The following CLVS1 variants were observed in gnomAD, a reference collection of about 807,000 sequenced individuals.
CLVS1 encodes the protein clavesin 1, also known as clavesin-1.
A neutral mutation model predicts 33.1 loss-of-function variants in CLVS1; 10 were observed. The ratio of observed to expected loss-of-function variants is 0.30; its 90% CI spans 0.19 to 0.51. The LOEUF is 0.51. Ranked by LOEUF, CLVS1 falls within the 20% of genes least tolerant of loss-of-function variation. The probability of loss-of-function intolerance (pLI) is 0.97; values close to 1 mark genes in which losing one functional copy is unlikely to be tolerated. For missense variants in CLVS1, 343 were observed against 433.4 expected, an observed-to-expected ratio of 0.79 and a Z score of 1.85; for synonymous variants, 163 against 166.1, an observed-to-expected ratio of 0.98 and a Z score of 0.14.
At chr8:61,204,845 C>T (rs1461515068) in intron 2 of CLVS1, among the ~76,000 whole-genome samples, 1 of 152,128 alleles carries the variant, frequency 6.6e-6, no homozygotes, top group Non-Finnish European at 1.5e-5. Flanking sequence ...CATACCCATT[C>T]CCCCACCAAA....
At chr8:61,058,198 CT>C (rs1404080736) in intron 1 of CLVS1, among the ~76,000 whole-genome samples, 1 of 152,100 alleles carries the variant, frequency 6.6e-6, no homozygotes, top group Non-Finnish European at 1.5e-5. Flanking sequence ...AGGGCTGAGG[CT>C]GGTGTGCAAA....
At chr8:60,976,981 G>T in the CLVS1 span, among the ~76,000 whole-genome samples, 1 of 152,200 alleles carries the variant, frequency 6.6e-6, no homozygotes, top group Middle Eastern at 3.2e-3. Flanking sequence ...AAAGAGACAG[G>T]ATCTATTCCC....
intron 2 of CLVS1, among the ~76,000 whole-genome samples, chr8:61,230,515 T>A (rs1452039861): frequency 2.0e-5 from 3 of 152,268 alleles, no homozygotes; most frequent in Non-Finnish European, 4.4e-5. Context: ...GTATTGTGGC[T>A]GGAGCACAAG....
rs1394837715 is a variant in CLVS1, at chr8:61,451,808, C to CAGAGAGAG, written c.631-2332_631-2331insGAGAGAGA. ...TTCCCCTCTGTACAAAACACACACA[C>CAGAGAGAG]ACACAGAGAGAGAGAGAGAGAGAGA... On this transcript the variant is annotated intron_variant, in intron 3 of 5. Coordinates refer to ENST00000325897, the MANE Select transcript of CLVS1 (RefSeq NM_173519.3). Among the ~76,000 whole-genome samples, 9 of 132,216 alleles carry CAGAGAGAG rather than the reference C, an allele frequency of 6.8e-5. No individual in the cohort carries two copies. The East Asian group carries it at 1.3e-3, about 19-fold the overall frequency. The allele number at this position is 132,216 out of a possible 152,430, so 86.7% of individuals were successfully genotyped here. A position where few individuals can be genotyped will look rare whatever the true frequency, so the allele number is the denominator to read the frequency against.
chr8:61,085,627 A>G lies in CLVS1; in HGVS notation c.-243+28397A>G, dbSNP rs533099979. On this transcript the variant is annotated intron_variant, in intron 1 of 2. Coordinates refer to the CLVS1 transcript ENST00000522621. ...ATGACCTGGCGGAGTGCGGTGGCTC[A>G]TGCCTGTAATCCCAGCACTTTCGGA... 7.9e-5 allele frequency among the ~76,000 whole-genome samples: 12 copies of G among 151,900 alleles called. No individual in the cohort carries two copies. The South Asian group carries it at 2.1e-3, about 26-fold the overall frequency.
the CLVS1 span, among the ~76,000 whole-genome samples, chr8:60,976,717 G>T: frequency 6.6e-6 from 1 of 152,260 alleles, no homozygotes; most frequent in Non-Finnish European, 1.5e-5. Flanking sequence ...GCAATTTTCA[G>T]TGAATTTCAG....
intron 2 of CLVS1, among the ~76,000 whole-genome samples, chr8:61,136,034 C>A (rs1806186364): frequency 6.6e-6 from 1 of 152,220 alleles, no homozygotes; most frequent in Non-Finnish European, 1.5e-5. Context: ...GGTTAGAAAT[C>A]CAAAGTCTCA....
intron 2 of CLVS1, among the ~76,000 whole-genome samples, chr8:61,191,899 A>T (rs542878125): frequency 1.3e-5 from 2 of 152,346 alleles, no homozygotes; most frequent in Admixed American, 6.5e-5. Flanking sequence ...ATGGAAGAAC[A>T]TTCCATGCTC....
chr8:61,271,591 A>C (rs1360924811), intron 2 of CLVS1, among the ~76,000 whole-genome samples: 1 of 128,006 alleles, frequency 7.8e-6, no homozygotes, highest in Non-Finnish European at 1.6e-5. Flanking sequence ...TGTCTCGTTG[A>C]TGTGTCTAAT....
chr8:61,099,054 A>G (rs142565248), intron 1 of CLVS1, among the ~76,000 whole-genome samples: 4 of 152,312 alleles, frequency 2.6e-5, no homozygotes, highest in African/African-American at 9.6e-5. Flanking sequence ...AGGAAATTCC[A>G]TTTGGCCAAG....
At chr8:61,042,587 C>G in the CLVS1 span, among the ~76,000 whole-genome samples, 1 of 101,070 alleles carries the variant, frequency 9.9e-6, no homozygotes, top group African/African-American at 6.1e-5. Flanking sequence ...CCTCCCAATA[C>G]TATCACATTG....
At chr8:61,259,659 G>A (rs1809157421) in intron 2 of CLVS1, among the ~76,000 whole-genome samples, 1 of 152,228 alleles carries the variant, frequency 6.6e-6, no homozygotes, top group South Asian at 2.1e-4. Flanking sequence ...GATTTCAATA[G>A]CACGGCACAT....
At position 61,376,740 on chromosome 8, in the gene CLVS1, G is replaced by A. The variant is rs141804631; in HGVS notation, c.591G>A (p.Leu197=). ...TTTCCTTCAAACAAGCCTCCAAACT[G>A]ACACCTTCAATCCTTAAACTGGCCA... ...SNFSFKQASK[L]TPSILKLAIE... is the part of the protein sequence containing the mutation. The change falls in exon 3 of 6, where the codon CTG becomes CTA. Residue 197 remains leucine (L), a synonymous_variant. Transcript: ENST00000325897. The A allele has an allele frequency of 2.0e-4, 324 of 1,613,976 alleles. No homozygotes were observed. The highest frequency in any genetic ancestry group is 2.6e-4 in the Non-Finnish European group (303 of 1,179,988).
At chr8:60,999,588 C>T in the CLVS1 span, among the ~76,000 whole-genome samples, 316 of 152,224 alleles carry the variant, frequency 2.1e-3, 1 homozygote, top group African/African-American at 7.2e-3. Context: ...AAATCCATGC[C>T]AACATACCAC....
intron 1 of CLVS1, among the ~76,000 whole-genome samples, chr8:61,058,172 G>A (rs748460040): frequency 2.6e-5 from 4 of 152,208 alleles, no homozygotes; most frequent in Non-Finnish European, 5.9e-5. Flanking sequence ...CTTATGACAG[G>A]TGCATTTTGG....
intron 2 of CLVS1, among the ~76,000 whole-genome samples, chr8:61,251,900 G>T (rs199688848): frequency 1.3e-5 from 2 of 151,452 alleles, no homozygotes; most frequent in African/African-American, 4.8e-5. Flanking sequence ...GGGTTTTTTT[G>T]TGTGTCTCTA....
At chr8:61,370,992 T>G (rs1284723656) in intron 2 of CLVS1, among the ~76,000 whole-genome samples, 2 of 152,228 alleles carry the variant, frequency 1.3e-5, no homozygotes, top group African/African-American at 4.8e-5. Context: ...TATAATGACT[T>G]CTTTTCCTCT....
chr8:61,078,202 G>A (rs746068546), intron 1 of CLVS1, among the ~76,000 whole-genome samples: 1 of 152,232 alleles, frequency 6.6e-6, no homozygotes, highest in South Asian at 2.1e-4. Flanking sequence ...GGGAAGGAGA[G>A]AGCTTTATTT....
At chr8:61,418,940 G>A (rs1815546842) in intron 3 of CLVS1, among the ~76,000 whole-genome samples, 1 of 152,146 alleles carries the variant, frequency 6.6e-6, no homozygotes, top group Non-Finnish European at 1.5e-5. Flanking sequence ...GAAGAAGCGT[G>A]CCAGGAACAC....
Sources: gnomAD v4.1 joint callset for allele counts (sites outside exome capture counted in the v4.1 genomes callset) on GRCh38, gnomAD v4.1.1 for gene constraint, MANE v1.5 for transcripts, NCBI Gene and HGNC (gene_info 2026-07-23, HGNC 2026-07-21) for gene names.